The following GLIS1 variants were observed in gnomAD, a reference collection of about 807,000 sequenced individuals.
GLIS1 encodes zinc finger protein GLIS1.
GLIS1 carries 24 observed loss-of-function variants against 63.8 expected under a neutral mutation model. The observed-to-expected ratio is 0.38, with a 90% CI of 0.27 to 0.53. The LOEUF (loss-of-function observed/expected upper bound fraction) is 0.53, where lower values mean the gene tolerates loss of function less well. GLIS1 is among the 20% of genes least tolerant of loss of function. The pLI, the probability that GLIS1 is intolerant of heterozygous loss-of-function variation, is 0.85. For synonymous variants in GLIS1, 450 were observed against 482.5 expected, an observed-to-expected ratio of 0.93 and a Z score of 0.88; for missense variants, 1,036 against 1,074.1, an observed-to-expected ratio of 0.96 and a Z score of 0.50.
intron 2 of GLIS1, among the ~76,000 whole-genome samples, chr1:53,608,353 A>T (rs1645393069): frequency 6.6e-6 from 1 of 152,214 alleles, no homozygotes; most frequent in African/African-American, 2.4e-5. Context: ...TAGAGGCCTC[A>T]TCTCCAAACA....
At chr1:53,547,228 G>A (rs531627266) in intron 4 of GLIS1, among the ~76,000 whole-genome samples, 25 of 152,356 alleles carry the variant, frequency 1.6e-4, no homozygotes, top group Admixed American at 1.5e-3. Context: ...GAAAAGACCT[G>A]CTCAAGGCTG....
At chr1:53,578,113 G>A (rs11585344) in intron 4 of GLIS1, among the ~76,000 whole-genome samples, 14,222 of 152,250 alleles carry the variant, frequency 0.093, 787 homozygotes, top group South Asian at 0.16. Context: ...CTAGGCTACA[G>A]ACTCCTTGAG....
Position 53,630,717 on chromosome 1 carries a change from G to A in GLIS1, c.260-30439C>T, listed in dbSNP as rs143948546. 2.2e-3 allele frequency among the ~76,000 whole-genome samples: 342 copies of A among 152,176 alleles called. 8 individuals are homozygous for A. The East Asian group carries it at 0.058, about 26-fold the overall frequency. On this transcript the variant is annotated intron_variant, in intron 2 of 10. Transcript: ENST00000628545. ...TCACCATGTTGGCCAGCCTGGTCTC[G>A]AACTCCAGACCTCAGGCAATCCACC... is the stretch of plus-strand genomic sequence containing the variant.
intron 4 of GLIS1, among the ~76,000 whole-genome samples, chr1:53,562,486 C>G (rs1644901690): frequency 6.6e-6 from 1 of 152,142 alleles, no homozygotes; most frequent in Admixed American, 6.5e-5. Context: ...CCCACCTGCT[C>G]CTAAAAGACT....
chr1:53,582,997 G>A (rs559445321), intron 4 of GLIS1, among the ~76,000 whole-genome samples: 2 of 152,316 alleles, frequency 1.3e-5, no homozygotes, highest in South Asian at 4.1e-4. Context: ...TCACTGTCAT[G>A]TTCACTGGCA....
intron 2 of GLIS1, among the ~76,000 whole-genome samples, chr1:53,658,931 G>C (rs1447209234): frequency 6.6e-6 from 1 of 152,198 alleles, no homozygotes; most frequent in Non-Finnish European, 1.5e-5. Flanking sequence ...CAGGAGGAAG[G>C]TCTGAGGGGC....
At chr1:53,589,775 C>A (rs1236868955) in intron 4 of GLIS1, among the ~76,000 whole-genome samples, 2 of 152,170 alleles carry the variant, frequency 1.3e-5, no homozygotes, top group Non-Finnish European at 2.9e-5. Context: ...CATGGGCCTC[C>A]TATGCCACAG....
intron 8 of GLIS1, 70 bp from the exon 9 acceptor site, chr1:53,510,097 C>A: frequency 2.3e-6 from 2 of 865,848 alleles, no homozygotes; most frequent in South Asian, 6.0e-5. Context: ...AGGGCTGCTG[C>A]GGCTTACACC....
intron 2 of GLIS1, among the ~76,000 whole-genome samples, chr1:53,604,735 G>C (rs1291269999): frequency 6.6e-6 from 1 of 152,124 alleles, no homozygotes; most frequent in Non-Finnish European, 1.5e-5. Flanking sequence ...AGAGAGGGCA[G>C]GTGATTTGCC....
At chr1:53,514,007 CAG>C (rs1189685926) in intron 8 of GLIS1, among the ~76,000 whole-genome samples, 2 of 152,334 alleles carry the variant, frequency 1.3e-5, no homozygotes, top group African/African-American at 4.8e-5. Context: ...GCAAGAAAAA[CAG>C]ATTTTGGCAG....
rs1261268013 is a variant in GLIS1, at chr1:53,524,862, C to T, written c.1508G>A (p.Gly503Asp). Residue 503 changes from glycine to aspartate, a missense_variant, in exon 6 of 11, where the codon GGC becomes GAC. Transcript: ENST00000628545. Reference sequence around the variant, plus strand: ...GGGGTCTGTGTAGCGCTTGGAGCAGCCAGGGATCTGACAGGCGTACGGCTT... The same window carrying T: ...GGGGTCTGTGTAGCGCTTGGAGCAGTCAGGGATCTGACAGGCGTACGGCTT... Reference protein sequence around the residue: ...DTKPYACQIPGCSKRYTDPSS... With the variant: ...DTKPYACQIPDCSKRYTDPSS... 1.2e-6 allele frequency: 2 copies of T among 1,613,372 alleles called. No homozygotes were observed. The highest frequency in any genetic ancestry group is 3.3e-5 in the Admixed American group (2 of 60,020).
At chr1:53,636,922 C>T (rs776251096) in intron 2 of GLIS1, among the ~76,000 whole-genome samples, 3 of 152,250 alleles carry the variant, frequency 2.0e-5, no homozygotes, top group Admixed American at 6.5e-5. Flanking sequence ...TCAGCTCCTT[C>T]TGTTCGTGGG....
Position 53,529,836 on chromosome 1 carries a change from G to A in GLIS1, c.1437C>T (p.Ser479=). The A allele has an allele frequency of 6.2e-7, 1 of 1,613,692 alleles. No homozygotes were observed. Among genetic ancestry groups the A allele is most frequent in the Non-Finnish European group, 8.5e-7 (1 of 1,180,002 alleles). Residue 479 remains serine (S), a synonymous_variant, in exon 5 of 11, where the codon AGC becomes AGT. Transcript: ENST00000628545. The stretch of plus-strand genomic sequence containing the variant: ...GGTGCTTGGCGCGGTCGCTGGAGTT[G>A]CTGAAGGCCTTCTGGCAACCCGGGT... ...CQHPGCQKAF[S]NSSDRAKHQR...
intron 2 of GLIS1, among the ~76,000 whole-genome samples, chr1:53,649,042 A>G (rs1448067682): frequency 6.6e-6 from 1 of 152,242 alleles, no homozygotes; most frequent in Non-Finnish European, 1.5e-5. Context: ...TTCAATAAAT[A>G]TATTAGAAAT....
chr1:53,515,041 GC>G (rs1276396421), intron 7 of GLIS1, among the ~76,000 whole-genome samples: 1 of 151,780 alleles, frequency 6.6e-6, no homozygotes, highest in African/African-American at 2.4e-5. Flanking sequence ...CTGGCAAGGG[GC>G]TGTCAGAGGC....
intron 4 of GLIS1, among the ~76,000 whole-genome samples, chr1:53,546,796 T>C (rs1159512123): frequency 2.6e-5 from 4 of 152,232 alleles, no homozygotes; most frequent in Admixed American, 2.6e-4. Flanking sequence ...AAGCTTCAGC[T>C]CATAAGCCAC....
At chr1:53,702,648 C>T (rs940336289) in intron 2 of GLIS1, among the ~76,000 whole-genome samples, 2 of 152,332 alleles carry the variant, frequency 1.3e-5, no homozygotes, top group African/African-American at 4.8e-5. Flanking sequence ...CTCTCCAGGG[C>T]AGGGGTTACG....
chr1:53,644,384 T>C (rs1262520625), intron 2 of GLIS1, among the ~76,000 whole-genome samples: 1 of 152,222 alleles, frequency 6.6e-6, no homozygotes, highest in East Asian at 1.9e-4. Flanking sequence ...CACAAACAAA[T>C]TCATTAAACC....
chr1:53,546,913 A>AACTGCT (rs148974237), intron 4 of GLIS1, among the ~76,000 whole-genome samples: 1,560 of 150,758 alleles, frequency 0.01, 24 homozygotes, highest in African/African-American at 0.033. Context: ...CAAGCATTGT[A>AACTGCT]ACTGCCGGGC....
Sources: gnomAD v4.1 joint callset for allele counts (sites outside exome capture counted in the v4.1 genomes callset) on GRCh38, gnomAD v4.1.1 for gene constraint, MANE v1.5 for transcripts, NCBI Gene and HGNC (gene_info 2026-07-23, HGNC 2026-07-21) for gene names.